The following UACA variants were observed in gnomAD, a reference collection of about 807,000 sequenced individuals.
UACA encodes uveal autoantigen with coiled-coil domains and ankyrin repeats.
UACA carries 112 observed loss-of-function variants against 160.5 expected under a neutral mutation model. That is an observed-to-expected ratio of 0.70 (90% CI 0.60 to 0.82). UACA has a LOEUF of 0.82. Among genes scored for constraint, UACA ranks in the 40% least tolerant of loss-of-function variants. The pLI is 0.00. For missense variants in UACA, 1,574 were observed against 1,614.6 expected (o/e 0.97, Z 0.43); for synonymous variants, 557 against 568.4 (o/e 0.98, Z 0.29).
In UACA at chr15:70,668,819, T is replaced by A. The variant is rs1276241026; in HGVS notation, c.1865A>T (p.Lys622Met). 1 of 1,613,956 alleles carries A rather than the reference T, an allele frequency of 6.2e-7. No individual in the cohort carries two copies. Among genetic ancestry groups the A allele is most frequent in the Non-Finnish European group, 8.5e-7 (1 of 1,180,010 alleles). The change falls in exon 16 of 19, where the codon AAG becomes ATG. Residue 622 changes from lysine to methionine, a missense_variant. By Grantham distance (95) the Lys-to-Met change is moderately conservative. Coordinates refer to ENST00000322954, the MANE Select transcript of UACA (RefSeq NM_018003.4). ...TTCAGCTGGAATGGAAAGGGCCAAC[T>A]TCGCTGACAATTCTTTTGCCTGGCC... ...MEGQAKELSA[K>M]LALSIPAEKF...
intron 1 of UACA, among the ~76,000 whole-genome samples, chr15:70,701,286 G>T (rs1352061548): frequency 6.6e-6 from 1 of 152,048 alleles, no homozygotes; most frequent in Non-Finnish European, 1.5e-5. Flanking sequence ...TACATTTTAC[G>T]CATCACCTTT....
Position 70,706,864 on chromosome 15 carries a change from C to A in UACA, c.79-7204G>T, listed in dbSNP as rs563624048. Reference sequence around the variant, plus strand: ...ACTGAATACCGTTAAGATGTCAATACCACCCAAGGCAATCCAGAGATCAGT... The same window carrying A: ...ACTGAATACCGTTAAGATGTCAATAACACCCAAGGCAATCCAGAGATCAGT... On this transcript the variant is annotated intron_variant, in intron 1 of 18. Transcript: ENST00000322954. Among the ~76,000 whole-genome samples, 4 of 152,248 alleles carry A rather than the reference C, an allele frequency of 2.6e-5. No individual in the cohort carries two copies. In the South Asian group the frequency reaches 8.3e-4, roughly 32 times the overall value.
the UACA span, among the ~76,000 whole-genome samples, chr15:70,768,912 CTT>C: frequency 1.3e-5 from 2 of 152,034 alleles, no homozygotes; most frequent in South Asian, 2.1e-4. Flanking sequence ...TCCAAGGAGA[CTT>C]TTAAAATTCT....
the UACA span, among the ~76,000 whole-genome samples, chr15:70,775,343 C>A: frequency 6.6e-6 from 1 of 152,298 alleles, no homozygotes; most frequent in Admixed American, 6.5e-5. Context: ...CCAGTCAGCT[C>A]TTGTGAGTCA....
intron 1 of UACA, among the ~76,000 whole-genome samples, chr15:70,738,024 A>G (rs2140999716): frequency 6.6e-6 from 1 of 152,306 alleles, no homozygotes; most frequent in South Asian, 2.1e-4. Context: ...CTTCCCATTA[A>G]TGTTTTGAGG....
intron 5 of UACA, 125 bp downstream of exon 5, chr15:70,690,329 C>G (rs945389780): frequency 2.2e-6 from 2 of 893,528 alleles, no homozygotes; most frequent in Non-Finnish European, 3.5e-6. Context: ...TTTGTGCAAA[C>G]AGGTTTTTAA....
At chr15:70,687,189 T>C (rs899511028) in intron 7 of UACA, among the ~76,000 whole-genome samples, 3 of 152,216 alleles carry the variant, frequency 2.0e-5, no homozygotes, top group African/African-American at 4.8e-5. Context: ...CTTTTTAAAT[T>C]CTTCTCCTAT....
chr15:70,676,455 C>T (rs956974872), intron 13 of UACA, 38 bp downstream of exon 13: 1 of 1,339,244 alleles, frequency 7.5e-7, no homozygotes, highest in Middle Eastern at 2.4e-4. Flanking sequence ...TACCATTACC[C>T]ATTATGAATT....
intron 1 of UACA, among the ~76,000 whole-genome samples, chr15:70,709,989 T>G (rs1016910483): frequency 1.3e-5 from 2 of 152,166 alleles, no homozygotes; most frequent in Admixed American, 6.5e-5. Flanking sequence ...AAAAATCTAA[T>G]GAGGCAGGGT....
chr15:70,761,746 TA>T (rs1487895773), intron 1 of UACA, among the ~76,000 whole-genome samples: 7 of 152,232 alleles, frequency 4.6e-5, no homozygotes, highest in African/African-American at 1.7e-4. Flanking sequence ...AATTGAGTGC[TA>T]AAGATTTAAG....
intron 1 of UACA, among the ~76,000 whole-genome samples, chr15:70,739,562 A>G (rs961668715): frequency 1.3e-5 from 2 of 152,210 alleles, no homozygotes; most frequent in African/African-American, 4.8e-5. Context: ...AAATGATTCT[A>G]AAGTGCAAAC....
At chr15:70,699,427 C>G in intron 2 of UACA, 100 bp downstream of exon 2, 1 of 1,378,798 alleles carries the variant, frequency 7.3e-7, no homozygotes, top group Non-Finnish European at 9.9e-7. Context: ...GGCAGAATTT[C>G]TTAATAAGTA....
chr15:70,752,260 T>C lies in UACA; in HGVS notation c.78+11070A>G, dbSNP rs111671948. Among the ~76,000 whole-genome samples the C allele has an allele frequency of 1.4e-3, 199 of 146,182 alleles. 1 individual carries two copies. The highest frequency in any genetic ancestry group is 4.8e-3 in the African/African-American group (191 of 39,670). ...ATCAAAAAAAAAAAAAAAAAAAAAC[T>C]TCTCACGTGTAAATCAGGAAGTGTT... On this transcript the variant is annotated intron_variant, in intron 1 of 18. Transcript: ENST00000322954.
chr15:70,701,872 C>G, intron 1 of UACA: 1 of 1,611,526 alleles, frequency 6.2e-7, no homozygotes, highest in Non-Finnish European at 8.5e-7. Flanking sequence ...TACTGGGATA[C>G]CTACTCTGTT....
chr15:70,735,937 A>G (rs1208289417), intron 1 of UACA, among the ~76,000 whole-genome samples: 1 of 152,192 alleles, frequency 6.6e-6, no homozygotes, highest in Non-Finnish European at 1.5e-5. Context: ...CAGCCTCCCA[A>G]AGTGTTGCGA....
the UACA span, among the ~76,000 whole-genome samples, chr15:70,777,423 T>G: frequency 6.6e-6 from 1 of 152,098 alleles, no homozygotes; most frequent in Non-Finnish European, 1.5e-5. Context: ...GGAGACTGCA[T>G]GAGGTCACCA....
intron 1 of UACA, among the ~76,000 whole-genome samples, chr15:70,701,357 A>T (rs952123539): frequency 2.6e-5 from 4 of 152,238 alleles, no homozygotes; most frequent in Non-Finnish European, 4.4e-5. Context: ...GTGGTCGTGG[A>T]CATAAGCTTA....
chr15:70,703,480 T>A (rs1898435946), intron 1 of UACA, among the ~76,000 whole-genome samples: 1 of 152,286 alleles, frequency 6.6e-6, no homozygotes, highest in East Asian at 1.9e-4. Flanking sequence ...AATGATTGTT[T>A]TTTCCCCCAA....
intron 8 of UACA, 73 bp from the exon 9 acceptor site, chr15:70,682,868 ACAATTGAGT>A (rs1212655145): frequency 1.4e-5 from 13 of 902,980 alleles, no homozygotes; most frequent in Admixed American, 1.4e-4. Context: ...CCCTAACTAT[ACAATTGAGT>A]CAATATTAAA....
Sources: gnomAD v4.1 joint callset for allele counts (sites outside exome capture counted in the v4.1 genomes callset) on GRCh38, gnomAD v4.1.1 for gene constraint, MANE v1.5 for transcripts, NCBI Gene and HGNC (gene_info 2026-07-23, HGNC 2026-07-21) for gene names.